DDX24: variants seen among roughly 807,000 people sequenced by gnomAD.
The protein encoded by DDX24 is DEAD-box helicase 24, also known as ATP-dependent RNA helicase DDX24.
Under a neutral mutation model 68.9 loss-of-function variants are expected in DDX24, and 24 were observed. That is an observed-to-expected ratio of 0.35 (90% CI 0.25 to 0.49). The LOEUF (loss-of-function observed/expected upper bound fraction) is 0.49. Among genes scored for constraint, DDX24 ranks in the 20% least tolerant of loss-of-function variants. The pLI is 0.99. For missense variants in DDX24, 989 were observed against 1,039.0 expected (o/e 0.95, Z 0.66); for synonymous variants, 395 against 385.2 (o/e 1.03, Z -0.30).
chr14:94,063,434 A>C (rs2141427788), intron 2 of DDX24, among the ~76,000 whole-genome samples: 1 of 152,306 alleles, frequency 6.6e-6, no homozygotes. Flanking sequence ...ACAATCTATA[A>C]CCCTACACCC....
At chr14:94,054,840 T>C (rs1167699101) in intron 7 of DDX24, among the ~76,000 whole-genome samples, 156 bp downstream of exon 7, 2 of 152,194 alleles carry the variant, frequency 1.3e-5, no homozygotes, top group Admixed American at 6.5e-5. Flanking sequence ...CCCAGGTATG[T>C]TGCTCTCAAT....
chr14:94,079,238 T>C lies in DDX24; in HGVS notation c.505A>G (p.Thr169Ala). 5 of 1,614,172 alleles carry C rather than the reference T, an allele frequency of 3.1e-6. No individual in the cohort carries two copies. Among genetic ancestry groups the C allele is most frequent in the Non-Finnish European group, 3.4e-6 (4 of 1,180,028 alleles). Residue 169 changes from threonine to alanine, a missense_variant, in exon 2 of 9, where the codon ACT becomes GCT. This residue lies in a region of DDX24 where 295 missense variants were observed against 263.0 expected (regional missense o/e 1.12). Transcript: ENST00000621632. Reference protein sequence around the residue: ...GKKGLEPSQSTAAKVPKKAKT... With the variant: ...GKKGLEPSQSAAAKVPKKAKT... ...GCTTTTTTGGGCACCTTGGCAGCAGTGCTCTGAGAAGGCTCCAACCCTTTT... is the reference window on the plus strand; with the variant it reads ...GCTTTTTTGGGCACCTTGGCAGCAGCGCTCTGAGAAGGCTCCAACCCTTTT...
intron 2 of DDX24, among the ~76,000 whole-genome samples, chr14:94,068,158 G>A (rs1285086978): frequency 6.6e-6 from 1 of 152,106 alleles, no homozygotes; most frequent in East Asian, 1.9e-4. Flanking sequence ...AAAGTAAAGG[G>A]GTGGAAAAAG....
intron 6 of DDX24, chr14:94,056,795 A>C (rs751881832): frequency 1.1e-4 from 16 of 152,152 alleles, no homozygotes; most frequent in Admixed American, 3.3e-4. Flanking sequence ...AATGAAACTA[A>C]ATTAGAGGAC....
Position 94,051,233 on chromosome 14 carries a change from C to G in DDX24, c.2538G>C (p.Glu846Asp), listed in dbSNP as rs1031993830. 13 of 1,586,960 alleles carry G rather than the reference C, an allele frequency of 8.2e-6. No individual in the cohort carries two copies. Among genetic ancestry groups the G allele is most frequent in the Non-Finnish European group, 1.1e-5 (13 of 1,167,138 alleles). Residue 846 changes from glutamate to aspartate, a missense_variant, in exon 9 of 9, where the codon GAG becomes GAC. Physicochemically the swap from Glu to Asp is conservative, Grantham distance 45 (BLOSUM62 2). Coordinates refer to ENST00000621632, the MANE Select transcript of DDX24 (RefSeq NM_020414.4). ...TTGGCTGTGGCTGTTCCGGCTGTGG[C>G]TCCTTCGGCTTCTTTGTCTTCTTCT... is the stretch of plus-strand genomic sequence containing the variant. ...QKKKKTKKPKEPQPEQPQPST... is the reference protein window; with the variant it reads ...QKKKKTKKPKDPQPEQPQPST...
At chr14:94,058,736 G>A (rs541750518) in intron 5 of DDX24, among the ~76,000 whole-genome samples, 17 of 152,290 alleles carry the variant, frequency 1.1e-4, no homozygotes, top group African/African-American at 3.4e-4. Flanking sequence ...AGCTGAGGCC[G>A]GGAAATGCAA....
chr14:94,053,358 C>CTTTTTTTT (rs1160011824), intron 7 of DDX24: 4 of 124,790 alleles, frequency 3.2e-5, no homozygotes, highest in South Asian at 7.9e-5. Flanking sequence ...TAGGTAATTT[C>CTTTTTTTT]TTTTTTTTTT....
chr14:94,064,139 C>T (rs542974450), intron 2 of DDX24, among the ~76,000 whole-genome samples: 182 of 151,956 alleles, frequency 1.2e-3, no homozygotes, highest in Middle Eastern at 3.4e-3. Context: ...TACTATAAAC[C>T]CCAAAGCAAT....
At chr14:94,054,053 T>A (rs1336766205) in intron 7 of DDX24, among the ~76,000 whole-genome samples, 2 of 152,148 alleles carry the variant, frequency 1.3e-5, no homozygotes, top group Non-Finnish European at 2.9e-5. Flanking sequence ...AACCTATAGG[T>A]AACCAAAGTG....
At position 94,051,215 on chromosome 14, in the gene DDX24, T is replaced by C. The variant is rs111812516; in HGVS notation, c.2556A>G (p.Pro852=). ...GTTAATTTGCACTTGTACTTGGCTG[T>C]GGCTGTTCCGGCTGTGGCTCCTTCG... ...KKPKEPQPEQ[P]QPSTSAN is the part of the protein sequence containing the mutation. The change falls in exon 9 of 9, where the codon CCA becomes CCG. Residue 852 remains proline (P), a synonymous_variant. Coordinates refer to ENST00000621632, the MANE Select transcript of DDX24 (RefSeq NM_020414.4). The C allele has an allele frequency of 1.9e-4, 296 of 1,575,062 alleles. 4 individuals are homozygous for C. The African/African-American group carries it at 3.2e-3, about 17-fold the overall frequency.
chr14:94,071,641 C>A (rs1885832105), intron 2 of DDX24, among the ~76,000 whole-genome samples: 1 of 145,998 alleles, frequency 6.8e-6, no homozygotes, highest in Non-Finnish European at 1.5e-5. Context: ...CAGAGTGAGC[C>A]TTTGACTTAA....
At position 94,079,138 on chromosome 14, in the gene DDX24, G is replaced by T. The variant is rs1886003537; in HGVS notation, c.605C>A (p.Pro202Gln). Residue 202 changes from proline (P) to glutamine (Q), a missense_variant, in exon 2 of 9, where the codon CCG becomes CAG. Physicochemically the swap from Pro to Gln is moderately conservative, Grantham distance 76. Transcript: ENST00000621632. Reference sequence around the variant, plus strand: ...TAGAAAGCTGAGTGCTCGGAGAACCGGCCTGGGAACAAACAGGTCCTTCCA... The same window carrying T: ...TAGAAAGCTGAGTGCTCGGAGAACCTGCCTGGGAACAAACAGGTCCTTCCA... ...SAWKDLFVPR[P>Q]VLRALSFLGF... 6.2e-7 allele frequency: 1 copy of T among 1,614,186 alleles called. No homozygotes were observed.
intron 6 of DDX24, chr14:94,057,597 A>G (rs1885514384): frequency 2.0e-6 from 1 of 506,234 alleles, no homozygotes; most frequent in Non-Finnish European, 3.5e-6. Flanking sequence ...GACAATATCA[A>G]GTAGCTTGGA....
chr14:94,069,681 T>G (rs1885788609), intron 2 of DDX24, among the ~76,000 whole-genome samples: 1 of 152,218 alleles, frequency 6.6e-6, no homozygotes, highest in African/African-American at 2.4e-5. Context: ...GTGGGTTTCA[T>G]GCCAGGGATG....
rs992441071 is a variant in DDX24 at position 94,078,928 on chromosome 14, T to C, written c.718+97A>G. On this transcript the variant is annotated intron_variant, in intron 2 of 8. Coordinates refer to ENST00000621632, the MANE Select transcript of DDX24 (RefSeq NM_020414.4). ...TTATTCAGCGTTGCTTTTGTGGTTA[T>C]GTTCTTCAACATTCTTCTCTCTCCC... 5 of 1,334,394 alleles carry C rather than the reference T, an allele frequency of 3.7e-6. No individual in the cohort carries two copies. The African/African-American group carries it at 7.4e-5, about 20-fold the overall frequency. 82.7% of individuals were successfully genotyped at this position (1,334,394 alleles called of 1,614,324 possible). A position where few individuals can be genotyped will look rare whatever the true frequency, so the allele number is the denominator to read the frequency against.
intron 2 of DDX24, among the ~76,000 whole-genome samples, chr14:94,066,954 A>G (rs1238356570): frequency 6.6e-6 from 1 of 152,208 alleles, no homozygotes; most frequent in East Asian, 1.9e-4. Context: ...AAAAAATCAT[A>G]CTAGTTCACC....
chr14:94,053,002 A>G lies in DDX24; in HGVS notation c.2304T>C (p.Tyr768=). ...CCATCCCGCCCAAGGGCTTACCCTT[A>G]TACATGTCTTCTTCCAGCTCAATCT... ...ALEIELEEDM[Y]KGGKADQQEE... Residue 768 remains tyrosine (Y), a synonymous_variant, in exon 8 of 9, where the codon TAT becomes TAC. Coordinates refer to ENST00000621632, the MANE Select transcript of DDX24 (RefSeq NM_020414.4). 6.2e-7 allele frequency: 1 copy of G among 1,613,760 alleles called. No individual in the cohort carries two copies. Among genetic ancestry groups the G allele is most frequent in the Admixed American group, 1.7e-5 (1 of 59,958 alleles).
intron 8 of DDX24, 45 bp downstream of exon 8, chr14:94,052,953 G>A: frequency 6.3e-7 from 1 of 1,578,038 alleles, no homozygotes; most frequent in Non-Finnish European, 8.6e-7. Context: ...AAAAGTTAAA[G>A]AGAGATTTCA....
At chr14:94,052,205 G>A (rs1885401082) in intron 8 of DDX24, among the ~76,000 whole-genome samples, 1 of 152,248 alleles carries the variant, frequency 6.6e-6, no homozygotes, top group Non-Finnish European at 1.5e-5. Context: ...ATACTTGGTG[G>A]TGTGGAAGGA....
Sources: allele counts gnomAD v4.1 joint callset (sites outside exome capture counted in the v4.1 genomes callset), GRCh38; gene constraint gnomAD v4.1.1; regional missense constraint gnomAD v4.1.1; transcripts MANE v1.5; gene names NCBI Gene and HGNC (gene_info 2026-07-23, HGNC 2026-07-21).